GALNT16: variants seen among roughly 807,000 people sequenced by gnomAD.
GALNT16 encodes the protein UDP-GalNAc:polypeptide N-acetylgalactosaminyltransferase-like protein 1.
In GALNT16, 40 loss-of-function variants were observed where a neutral mutation model predicts 76.1. That is an observed-to-expected ratio of 0.53 (90% CI 0.41 to 0.68). The LOEUF (loss-of-function observed/expected upper bound fraction) is 0.68. Among genes scored for constraint, GALNT16 ranks in the 30% least tolerant of loss-of-function variants. The pLI, the probability that GALNT16 is intolerant of heterozygous loss-of-function variation, is 0.00. For missense variants in GALNT16, 621 were observed against 731.9 expected (o/e 0.85, Z 1.75); for synonymous variants, 276 against 285.2 (o/e 0.97, Z 0.32).
At chr14:69,375,541 C>A in the GALNT16 span, among the ~76,000 whole-genome samples, 1 of 152,182 alleles carries the variant, frequency 6.6e-6, no homozygotes, top group African/African-American at 2.4e-5. Flanking sequence ...TTAACATTAC[C>A]ATGGCAACTC....
chr14:69,294,355 C>T (rs2044726088), intron 1 of GALNT16, among the ~76,000 whole-genome samples: 1 of 152,188 alleles, frequency 6.6e-6, no homozygotes, highest in Admixed American at 6.5e-5. Context: ...CTCCTGACCT[C>T]AAATGATCCA....
intron 1 of GALNT16, among the ~76,000 whole-genome samples, chr14:69,274,666 G>A (rs1032625540): frequency 6.6e-6 from 1 of 152,208 alleles, no homozygotes; most frequent in Non-Finnish European, 1.5e-5. Flanking sequence ...ATATTGCCAA[G>A]CCTTGTATAT....
At position 69,333,210 on chromosome 14, in the gene GALNT16, T is replaced by A; in HGVS notation, c.863+41T>A. The A allele has an allele frequency of 7.3e-7, 1 of 1,375,588 alleles. No homozygotes were observed. The highest frequency in any genetic ancestry group is 1.0e-6 in the Non-Finnish European group (1 of 982,442). The allele number at this position is 1,375,588 out of a possible 1,614,324, so 85.2% of individuals were successfully genotyped here. A position where few individuals can be genotyped will look rare whatever the true frequency, so the allele number is the denominator to read the frequency against. ...GGCTCTGGGGGACCCCTTCCTTCCC[T>A]GGGTCAGGGGCCTGGGAGGCTCTTG... On this transcript the variant is annotated intron_variant, in intron 8 of 14. Transcript: ENST00000448469. The surrounding 1 kb of genome is among the most constrained non-coding windows in gnomAD (Gnocchi z 4.2).
chr14:69,310,778 G>A (rs546215760), intron 1 of GALNT16, among the ~76,000 whole-genome samples: 15 of 152,136 alleles, frequency 9.9e-5, no homozygotes, highest in Middle Eastern at 3.4e-3. Context: ...GGCTGGGTGC[G>A]GTGGCTCACA....
Position 69,320,692 on chromosome 14 carries a change from A to G in GALNT16, c.178-19A>G. ...GTCCTCCTGCCTGTGGTCCTCTCTG[A>G]TGCTGACCTTCATCTCAGGTGACAG... On this transcript the variant is annotated intron_variant, in intron 1 of 14. Transcript: ENST00000448469. 6.2e-7 allele frequency: 1 copy of G among 1,611,272 alleles called. No homozygotes were observed. Among genetic ancestry groups the G allele is most frequent in the Non-Finnish European group, 8.5e-7 (1 of 1,178,374 alleles).
Position 69,325,395 on chromosome 14 carries a change from A to T in GALNT16, c.493A>T (p.Ser165Cys). Reference sequence around the variant, plus strand: ...GGAGATCATTTTAGTGGATGACTTCAGCTCAGATCGTGAGTAGTCACCTTC... The same window carrying T: ...GGAGATCATTTTAGTGGATGACTTCTGCTCAGATCGTGAGTAGTCACCTTC... ...IQEIILVDDF[S>C]SDPEDCLLLT... Residue 165 changes from serine to cysteine, a missense_variant, in exon 4 of 15, where the codon AGC becomes TGC. Physicochemically the swap from Ser to Cys is moderately radical, Grantham distance 112 (BLOSUM62 -1). Coordinates refer to ENST00000448469, the MANE Select transcript of GALNT16 (RefSeq NM_001168368.2). The T allele has an allele frequency of 6.3e-7, 1 of 1,587,106 alleles. No homozygotes were observed. Among genetic ancestry groups the T allele is most frequent in the Non-Finnish European group, 8.7e-7 (1 of 1,155,400 alleles).
chr14:69,260,136 A>ATCCCCCCCCC, upstream of GALNT16: 3 of 113,994 alleles, frequency 2.6e-5, 1 homozygote, highest in Non-Finnish European at 3.5e-5. Flanking sequence ...TCTCCCTATC[A>ATCCCCCCCCC]CCCCCCCGCC....
intron 1 of GALNT16, among the ~76,000 whole-genome samples, chr14:69,305,185 TTGA>T (rs2044915003): frequency 6.6e-6 from 1 of 151,348 alleles, no homozygotes; most frequent in South Asian, 2.1e-4. Context: ...TTTTTTTTTT[TTGA>T]GAGAGAGTCT....
chr14:69,265,981 C>T (rs1191497325), intron 1 of GALNT16, among the ~76,000 whole-genome samples: 3 of 152,186 alleles, frequency 2.0e-5, no homozygotes, highest in Non-Finnish European at 4.4e-5. Context: ...TCTGAATCCC[C>T]TCAACAACCT....
chr14:69,322,971 TGTGTGTGTGTGCGC>T (rs1413154458), intron 2 of GALNT16, among the ~76,000 whole-genome samples: 3 of 55,774 alleles, frequency 5.4e-5, no homozygotes, highest in African/African-American at 3.4e-4. Context: ...TGTGTGTGTG[TGTGTGTGTGTGCGC>T]GCGCACGCGC....
the GALNT16 span, among the ~76,000 whole-genome samples, chr14:69,384,686 T>C: frequency 6.6e-6 from 1 of 150,848 alleles, no homozygotes; most frequent in African/African-American, 2.5e-5. Context: ...TATCAATAAT[T>C]TTAGAAAGCT....
At chr14:69,329,645 G>A (rs530933858) in intron 6 of GALNT16, among the ~76,000 whole-genome samples, 1 of 152,196 alleles carries the variant, frequency 6.6e-6, no homozygotes, top group African/African-American at 2.4e-5. Context: ...AGGTTTAATC[G>A]GCTCACGTTG....
chr14:69,303,831 T>C (rs35473934), intron 1 of GALNT16, among the ~76,000 whole-genome samples: 2 of 152,210 alleles, frequency 1.3e-5, no homozygotes, highest in Admixed American at 6.5e-5. Flanking sequence ...ATTATTATTG[T>C]TATTTTTTCT....
In GALNT16 at chr14:69,336,549, T is replaced by A. The variant is rs541658408; in HGVS notation, c.968-2102T>A. ...TCTGTTTCAGGTCTTGGCTCAAATG[T>A]CCCTTTTATAGTGACAACTCCCCTC... On this transcript the variant is annotated intron_variant, in intron 9 of 14. Coordinates refer to ENST00000448469, the MANE Select transcript of GALNT16 (RefSeq NM_001168368.2). 1.5e-4 allele frequency among the ~76,000 whole-genome samples: 23 copies of A among 152,240 alleles called. No individual in the cohort carries two copies. The East Asian group carries it at 4.4e-3, about 29-fold the overall frequency.
intron 1 of GALNT16, among the ~76,000 whole-genome samples, chr14:69,310,754 C>T (rs2045006501): frequency 6.6e-6 from 1 of 151,856 alleles, no homozygotes; most frequent in Non-Finnish European, 1.5e-5. Context: ...TTTTTTCTGT[C>T]TAAAAAAAAT....
At chr14:69,274,422 G>A (rs1473340832) in intron 1 of GALNT16, among the ~76,000 whole-genome samples, 1 of 152,102 alleles carries the variant, frequency 6.6e-6, no homozygotes, top group Non-Finnish European at 1.5e-5. Context: ...TGGCTAAATG[G>A]TTCTGGGTTT....
At chr14:69,275,248 C>T (rs1566860677) in intron 1 of GALNT16, among the ~76,000 whole-genome samples, 1 of 152,158 alleles carries the variant, frequency 6.6e-6, no homozygotes, top group South Asian at 2.1e-4. Flanking sequence ...CAAAGTAGAA[C>T]CCCTGAGGTC....
chr14:69,269,931 T>C lies in GALNT16; in HGVS notation c.177+9464T>C, dbSNP rs530394567. On this transcript the variant is annotated intron_variant, in intron 1 of 14. Transcript: ENST00000448469. ...AGGTAACGGAGCCCTTGTTGAAATA[T>C]TGGAGTGGGCAGGCTGGGGAGGACT... 5.3e-5 allele frequency among the ~76,000 whole-genome samples: 8 copies of C among 152,100 alleles called. No individual in the cohort carries two copies. The East Asian group carries it at 7.7e-4, about 15-fold the overall frequency.
intron 1 of GALNT16, among the ~76,000 whole-genome samples, chr14:69,263,132 A>G (rs1314505795): frequency 6.6e-6 from 1 of 152,230 alleles, no homozygotes; most frequent in Admixed American, 6.5e-5. Context: ...CATTCACCTC[A>G]GCCTCCTAAA....
Sources: gnomAD v4.1 joint callset for allele counts (sites outside exome capture counted in the v4.1 genomes callset) on GRCh38, gnomAD v4.1.1 for gene constraint, Gnocchi (gnomAD v3.1) non-coding constraint, MANE v1.5 for transcripts, NCBI Gene and HGNC (gene_info 2026-07-23, HGNC 2026-07-21) for gene names.